Variants in ANO3 observed in about 807,000 individuals in gnomAD.
ANO3 encodes anoctamin 3, also known as anoctamin-3.
In ANO3, 99 loss-of-function variants were observed where a neutral mutation model predicts 144.8. That is an observed-to-expected ratio of 0.68 (90% CI 0.58 to 0.81). The LOEUF (loss-of-function observed/expected upper bound fraction) is 0.81. Among genes scored for constraint, ANO3 ranks in the 30% least tolerant of loss-of-function variants. ANO3 has a pLI of 0.00. For synonymous variants in ANO3, 414 were observed against 392.6 expected (o/e 1.05, Z -0.64); for missense variants, 905 against 1,202.2 (o/e 0.75, Z 3.66).
intron 1 of ANO3, among the ~76,000 whole-genome samples, chr11:26,291,052 T>C (rs1379246631): frequency 1.3e-5 from 2 of 152,170 alleles, no homozygotes; most frequent in African/African-American, 4.8e-5. Context: ...CTGAGTCTCT[T>C]TGTAGGTCTC....
intron 5 of ANO3, among the ~76,000 whole-genome samples, chr11:26,510,379 G>T (rs778810365): frequency 6.6e-6 from 1 of 151,028 alleles, no homozygotes; most frequent in Non-Finnish European, 1.5e-5. Context: ...TCCGCCTCCC[G>T]CCCACACCCA....
intron 1 of ANO3, among the ~76,000 whole-genome samples, chr11:26,387,035 C>T (rs1230989237): frequency 2.7e-5 from 4 of 149,854 alleles, no homozygotes; most frequent in Admixed American, 6.7e-5. Context: ...TGAAAAGACT[C>T]GGAAAAAGTC....
Position 26,493,142 on chromosome 11 carries a change from A to G in ANO3, c.433-14962A>G, listed in dbSNP as rs138283593. ...AACTTGATTAAGTGTCTGGGACTGA[A>G]TAGGCATTCAAAAATTATTTTGTTA... On this transcript the variant is annotated intron_variant, in intron 4 of 26. Transcript: ENST00000256737. Among the ~76,000 whole-genome samples, 1,497 of 152,324 alleles carry G rather than the reference A, an allele frequency of 9.8e-3. 26 individuals are homozygous for G. The highest frequency in any genetic ancestry group is 0.053 in the South Asian group (255 of 4,820).
At chr11:26,545,950 ATAC>A (rs1849776068) in intron 11 of ANO3, among the ~76,000 whole-genome samples, 1 of 151,950 alleles carries the variant, frequency 6.6e-6, no homozygotes, top group Non-Finnish European at 1.5e-5. Context: ...TTAGGTGACT[ATAC>A]TTCGCCAAAT....
At chr11:26,627,444 C>A (rs1369921231) in intron 18 of ANO3, among the ~76,000 whole-genome samples, 1 of 152,048 alleles carries the variant, frequency 6.6e-6, no homozygotes, top group South Asian at 2.1e-4. Flanking sequence ...CTGCCTGACA[C>A]ATGACAAGTG....
intron 4 of ANO3, among the ~76,000 whole-genome samples, chr11:26,504,325 T>A (rs1226140907): frequency 6.6e-6 from 1 of 152,214 alleles, no homozygotes; most frequent in Non-Finnish European, 1.5e-5. Context: ...CATAGAACTA[T>A]GCGTATTCTC....
chr11:26,498,303 A>G (rs1392095015), intron 4 of ANO3, among the ~76,000 whole-genome samples: 1 of 151,872 alleles, frequency 6.6e-6, no homozygotes, highest in Non-Finnish European at 1.5e-5. Context: ...GGTGTATACC[A>G]TTTTATGATT....
intron 1 of ANO3, among the ~76,000 whole-genome samples, chr11:26,424,974 A>T (rs895172951): frequency 6.6e-6 from 1 of 151,816 alleles, no homozygotes; most frequent in Non-Finnish European, 1.5e-5. Context: ...TGCCATGTTG[A>T]TGTGCTGCAC....
chr11:26,356,407 T>G (rs1855785264), intron 1 of ANO3, among the ~76,000 whole-genome samples: 1 of 152,166 alleles, frequency 6.6e-6, no homozygotes, highest in Non-Finnish European at 1.5e-5. Context: ...TGTCCCTCCC[T>G]CTCTCTTATA....
intron 1 of ANO3, among the ~76,000 whole-genome samples, chr11:26,286,388 A>G (rs1853807934): frequency 6.6e-6 from 1 of 152,196 alleles, no homozygotes; most frequent in Non-Finnish European, 1.5e-5. Flanking sequence ...ATCATGTTGG[A>G]AAAATGTTTA....
intron 1 of ANO3, among the ~76,000 whole-genome samples, chr11:26,320,278 G>A (rs756097673): frequency 1.3e-5 from 2 of 152,208 alleles, no homozygotes; most frequent in African/African-American, 4.8e-5. Context: ...AGAGTATAAC[G>A]TCTGCTGCAT....
At chr11:26,241,960 A>T (rs150314626) in intron 1 of ANO3, among the ~76,000 whole-genome samples, 338 of 152,288 alleles carry the variant, frequency 2.2e-3, no homozygotes, top group Middle Eastern at 0.014. Flanking sequence ...TTTAGATGAG[A>T]TGCAAAATAG....
At chr11:26,223,813 G>A (rs1216092571) in intron 1 of ANO3, among the ~76,000 whole-genome samples, 1 of 151,848 alleles carries the variant, frequency 6.6e-6, no homozygotes, top group African/African-American at 2.4e-5. Flanking sequence ...AGAGTGGAGA[G>A]GCGCCACATT....
At chr11:26,223,410 C>T (rs574392949) in intron 1 of ANO3, among the ~76,000 whole-genome samples, 1 of 152,086 alleles carries the variant, frequency 6.6e-6, no homozygotes, top group African/African-American at 2.4e-5. Context: ...ATTTTGGTCA[C>T]AACCACTTAA....
chr11:26,293,606 A>T (rs1209319330), intron 1 of ANO3, among the ~76,000 whole-genome samples: 1 of 135,560 alleles, frequency 7.4e-6, no homozygotes, highest in Non-Finnish European at 1.6e-5. Context: ...TTGCTTTGTC[A>T]TATGTAGAAG....
At chr11:26,428,717 C>T (rs2134007189) in intron 1 of ANO3, among the ~76,000 whole-genome samples, 1 of 121,888 alleles carries the variant, frequency 8.2e-6, no homozygotes, top group African/African-American at 3.0e-5. Context: ...CAATTTGTTC[C>T]TTGTAGAATT....
At chr11:26,268,979 T>C (rs1853377595) in intron 1 of ANO3, among the ~76,000 whole-genome samples, 1 of 152,164 alleles carries the variant, frequency 6.6e-6, no homozygotes, top group Admixed American at 6.5e-5. Context: ...CTCAGAGTCT[T>C]AGGGGAGGTT....
intron 1 of ANO3, among the ~76,000 whole-genome samples, chr11:26,241,117 C>A (rs905925944): frequency 1.3e-5 from 2 of 152,042 alleles, no homozygotes; most frequent in Non-Finnish European, 2.9e-5. Context: ...GGGAGTTTCC[C>A]TGCACAAGCT....
chr11:26,512,824 C>T (rs1861717765), intron 5 of ANO3, among the ~76,000 whole-genome samples: 1 of 152,168 alleles, frequency 6.6e-6, no homozygotes, highest in Non-Finnish European at 1.5e-5. Context: ...TGAATCCTGA[C>T]ACAGCACCCT....
Sources: gnomAD v4.1 joint callset for allele counts (sites outside exome capture counted in the v4.1 genomes callset) on GRCh38, gnomAD v4.1.1 for gene constraint, MANE v1.5 for transcripts, NCBI Gene and HGNC (gene_info 2026-07-23, HGNC 2026-07-21) for gene names.